The following CFAP47 variants were observed in gnomAD, a reference collection of about 807,000 sequenced individuals.
CFAP47 encodes the protein cilia and flagella associated protein 47.
A neutral mutation model predicts 148.1 loss-of-function variants in CFAP47; 29 were observed. The ratio of observed to expected loss-of-function variants is 0.20; its 90% CI spans 0.15 to 0.27. CFAP47 has a LOEUF of 0.27. Ranked by LOEUF, CFAP47 falls within the 10% of genes least tolerant of loss-of-function variation. The probability of loss-of-function intolerance (pLI) is 1.00; values close to 1 mark genes in which losing one functional copy is unlikely to be tolerated. For synonymous variants in CFAP47, 664 were observed against 577.3 expected (o/e 1.15, Z -2.15); for missense variants, 1,872 against 1,697.5 (o/e 1.10, Z -1.81).
chrX:36,080,528 C>T (rs1006507202), intron 29 of CFAP47, among the ~76,000 whole-genome samples: 2 of 111,784 alleles, frequency 1.8e-5, no homozygotes, highest in African/African-American at 6.5e-5. Context: ...TTGGAACTAA[C>T]CCAAATGTCC....
Position 36,231,420 on chromosome X carries a change from T to C in CFAP47, c.7014+2596T>C, listed in dbSNP as rs1311378465. Among the ~76,000 whole-genome samples the C allele has an allele frequency of 1.3e-3, 126 of 100,161 alleles. 1 individual carries two copies. Among genetic ancestry groups the C allele is most frequent in the African/African-American group, 4.3e-3 (113 of 26,248 alleles). 87.0% of individuals were successfully genotyped at this position (100,161 alleles called of 115,157 possible). On this transcript the variant is annotated intron_variant, in intron 46 of 63. Transcript: ENST00000378653. ...ATGATTTGGCTCTCTGTTTGTCTGT[T>C]ATTGGTGTATAAGAATGCTTGTGAT... is the stretch of plus-strand genomic sequence containing the variant.
chrX:36,054,938 A>G (rs183478391), intron 26 of CFAP47, among the ~76,000 whole-genome samples: 55 of 108,851 alleles, frequency 5.1e-4, no homozygotes, highest in African/African-American at 1.8e-3. Flanking sequence ...ACGCCCAGCT[A>G]ATTTTTTGTA....
At chrX:36,378,936 T>C (rs937994836) in intron 62 of CFAP47, among the ~76,000 whole-genome samples, 2 of 110,783 alleles carry the variant, frequency 1.8e-5, no homozygotes, top group South Asian at 3.9e-4. Flanking sequence ...CTCAGCCTCC[T>C]GAGTAGCTGG....
At chrX:36,135,973 G>T (rs184082345) in intron 33 of CFAP47, among the ~76,000 whole-genome samples, 2 of 111,644 alleles carry the variant, frequency 1.8e-5, no homozygotes, top group Non-Finnish European at 3.8e-5. Context: ...GACTAAAGGT[G>T]TAAAGAACTA....
intron 1 of CFAP47, among the ~76,000 whole-genome samples, chrX:35,925,369 C>T (rs1391239039): frequency 9.3e-6 from 1 of 107,339 alleles, no homozygotes; most frequent in Non-Finnish European, 1.9e-5. Context: ...AGTGAGACTC[C>T]ATCTCAAAAA....
chrX:36,075,869 T>C (rs913367302), intron 29 of CFAP47, among the ~76,000 whole-genome samples: 1 of 112,148 alleles, frequency 8.9e-6, no homozygotes, highest in African/African-American at 3.2e-5. Flanking sequence ...GATTTCATTC[T>C]TTTTTATGGT....
intron 46 of CFAP47, among the ~76,000 whole-genome samples, chrX:36,235,712 G>A (rs1219496017): frequency 3.6e-5 from 4 of 112,443 alleles, no homozygotes; most frequent in African/African-American, 9.7e-5. Context: ...CTTCTGCATC[G>A]CTCACGCTAG....
At chrX:35,923,909 GTGTATATATGTACATA>G (rs1935628522) in intron 1 of CFAP47, among the ~76,000 whole-genome samples, 1 of 60,994 alleles carries the variant, frequency 1.6e-5, no homozygotes, top group South Asian at 6.4e-4. Context: ...ATATGTACAT[GTGTATATATGTACATA>G]TATATGTGTA....
intron 32 of CFAP47, among the ~76,000 whole-genome samples, chrX:36,103,287 G>T (rs759005520): frequency 9.3e-6 from 1 of 107,976 alleles, no homozygotes; most frequent in Admixed American, 1.0e-4. Flanking sequence ...TTTCAATCAG[G>T]TTTCGCTGTG....
rs782200954 is a variant in CFAP47, at chrX:36,226,523, AT to A, written c.6818-2101del. Among the ~76,000 whole-genome samples the A allele has an allele frequency of 2.7e-5, 3 of 111,691 alleles. No individual in the cohort carries two copies. The East Asian group carries it at 8.4e-4, about 31-fold the overall frequency. On this transcript the variant is annotated intron_variant, in intron 45 of 63. Transcript: ENST00000378653. ...GTTTCTTATACAACTTAATAAAATT[AT>A]TTTGGATATTTAAAAATGAAACAGA...
chrX:36,223,669 T>C (rs1182410445), intron 45 of CFAP47, among the ~76,000 whole-genome samples: 7 of 111,457 alleles, frequency 6.3e-5, no homozygotes, highest in Non-Finnish European at 1.3e-4. Context: ...AGCCCCAAAA[T>C]TCTTCTGAAG....
chrX:36,359,466 C>A (rs1198213951), intron 60 of CFAP47, among the ~76,000 whole-genome samples: 2 of 112,090 alleles, frequency 1.8e-5, no homozygotes, highest in Non-Finnish European at 3.8e-5. Flanking sequence ...ATTGTATATT[C>A]ATTAACTAAT....
At chrX:36,176,835 C>T (rs1311710221) in intron 39 of CFAP47, among the ~76,000 whole-genome samples, 2 of 112,202 alleles carry the variant, frequency 1.8e-5, no homozygotes, top group African/African-American at 3.2e-5. Flanking sequence ...AACCTGGAGG[C>T]TGAGGTTGCA....
chrX:36,231,714 GT>G (rs1940363295), intron 46 of CFAP47, among the ~76,000 whole-genome samples: 1 of 111,276 alleles, frequency 9.0e-6, no homozygotes, highest in Non-Finnish European at 1.9e-5. Flanking sequence ...AATGCTTCCA[GT>G]TTTTGCCCAT....
At chrX:36,166,872 G>A (rs748854547) in intron 39 of CFAP47, among the ~76,000 whole-genome samples, 2 of 111,436 alleles carry the variant, frequency 1.8e-5, no homozygotes, top group South Asian at 3.8e-4. Context: ...AAAGGCCACC[G>A]TCTTTGGCAT....
chrX:36,087,474 G>T (rs747265152), intron 30 of CFAP47, among the ~76,000 whole-genome samples: 1 of 111,921 alleles, frequency 8.9e-6, no homozygotes, highest in African/African-American at 3.2e-5. Flanking sequence ...AATGAGAATG[G>T]TTATATCAGT....
chrX:35,967,699 G>A lies in CFAP47; in HGVS notation c.1681G>A (p.Ala561Thr), dbSNP rs11795910. The stretch of plus-strand genomic sequence containing the variant: ...AAAACGCAAGAATTATGCACCTGTA[G>A]CAATGCTTCAATCAGCCATGACACG... ...LAKRKNYAPV[A>T]MLQSAMTRTH... The change falls in exon 10 of 64, where the codon GCA (alanine) becomes ACA (threonine). Residue 561 changes from alanine (A) to threonine (T), a missense_variant. Coordinates refer to ENST00000378653, the MANE Select transcript of CFAP47 (RefSeq NM_001304548.2). The A allele has an allele frequency of 2.5e-6, 3 of 1,207,340 alleles. No individual in the cohort carries two copies. The African/African-American group carries it at 5.3e-5, about 21-fold the overall frequency.
chrX:36,340,273 T>C (rs1273147269), intron 57 of CFAP47, among the ~76,000 whole-genome samples: 1 of 111,830 alleles, frequency 8.9e-6, no homozygotes, highest in Non-Finnish European at 1.9e-5. Context: ...GCTCTATGTT[T>C]TGACAGCAAG....
chrX:36,221,396 A>G (rs1940212100), intron 45 of CFAP47, among the ~76,000 whole-genome samples: 1 of 111,816 alleles, frequency 8.9e-6, no homozygotes, highest in South Asian at 3.6e-4. Context: ...GATAGAATGT[A>G]TAATTTCTAA....
Sources: gnomAD v4.1 joint callset for allele counts (sites outside exome capture counted in the v4.1 genomes callset) on GRCh38, gnomAD v4.1.1 for gene constraint, MANE v1.5 for transcripts, NCBI Gene and HGNC (gene_info 2026-07-23, HGNC 2026-07-21) for gene names.